The following MYLK variants were observed in gnomAD, a reference collection of about 807,000 sequenced individuals.
MYLK encodes myosin light chain kinase.
In MYLK, 106 loss-of-function variants were observed where a neutral mutation model predicts 203.4. The observed-to-expected ratio is 0.52, with a 90% confidence interval of 0.45 to 0.61. MYLK has a LOEUF of 0.61. MYLK is among the 20% of genes least tolerant of loss of function. The probability of loss-of-function intolerance (pLI) is 0.00; values close to 1 mark genes in which losing one functional copy is unlikely to be tolerated. For synonymous variants in MYLK, 867 were observed against 959.5 expected (o/e 0.90, Z 1.78); for missense variants, 2,072 against 2,442.3 (o/e 0.85, Z 3.20).
chr3:123,844,186 G>T (rs1452442860), intron 2 of MYLK, among the ~76,000 whole-genome samples: 2 of 152,134 alleles, frequency 1.3e-5, no homozygotes, highest in African/African-American at 4.8e-5. Context: ...TTGGTTTGGG[G>T]GAGGCCTCCC....
At chr3:123,806,326 G>A (rs1351271499) in intron 3 of MYLK, among the ~76,000 whole-genome samples, 1 of 152,154 alleles carries the variant, frequency 6.6e-6, no homozygotes, top group Non-Finnish European at 1.5e-5. Context: ...AGACTGAGTT[G>A]AGATCTCTGA....
chr3:123,640,154 G>T lies in MYLK; in HGVS notation c.4837+133C>A. ...CACGTCTAGTATGTGGTAGGGGCAG[G>T]ATTCAAACCTGGGAAGTCTTCATGG... On this transcript the variant is annotated intron_variant, in intron 28 of 33. Coordinates refer to ENST00000360304, the MANE Select transcript of MYLK (RefSeq NM_053025.4). This position sits in a 1 kb window ranked among gnomAD's most constrained non-coding sequence, Gnocchi z 4.3. 3.7e-6 allele frequency: 3 copies of T among 816,924 alleles called. No individual in the cohort carries two copies. The highest frequency in any genetic ancestry group is 6.5e-4 in the Middle Eastern group (2 of 3,076). The allele number at this position is 816,924 out of a possible 1,614,324, so 50.6% of individuals were successfully genotyped here. A position where few individuals can be genotyped will look rare whatever the true frequency, so the allele number is the denominator to read the frequency against.
intron 2 of MYLK, among the ~76,000 whole-genome samples, chr3:123,847,513 G>A (rs1205992647): frequency 6.6e-6 from 1 of 152,084 alleles, no homozygotes; most frequent in Non-Finnish European, 1.5e-5. Flanking sequence ...TGATGTTACT[G>A]TGTATTGTTA....
chr3:123,677,699 A>C (rs2060114395), intron 20 of MYLK, among the ~76,000 whole-genome samples: 1 of 151,884 alleles, frequency 6.6e-6, no homozygotes, highest in African/African-American at 2.4e-5. Flanking sequence ...CAATAAATGT[A>C]GACTATGAAT....
chr3:123,739,182 A>G lies in MYLK; in HGVS notation c.423-120T>C, dbSNP rs1347157178. The G allele has an allele frequency of 6.1e-6, 7 of 1,146,096 alleles. No individual in the cohort carries two copies. In the East Asian group the frequency reaches 1.8e-4, roughly 29 times the overall value. 71.0% of individuals were successfully genotyped at this position (1,146,096 alleles called of 1,614,324 possible). A position where few individuals can be genotyped will look rare whatever the true frequency, so the allele number is the denominator to read the frequency against. ...AAGCCATCAAAGTGTAGCCTTCCCA[A>G]TTTTATGCCTCAGAAACTTTCTCAT... is the stretch of plus-strand genomic sequence containing the variant. On this transcript the variant is annotated intron_variant, in intron 6 of 33. Transcript: ENST00000360304.
chr3:123,806,303 A>G (rs2065364083), intron 3 of MYLK, among the ~76,000 whole-genome samples: 1 of 152,216 alleles, frequency 6.6e-6, no homozygotes, highest in African/African-American at 2.4e-5. Context: ...AGAGTGGACC[A>G]CTGTATCTTC....
intron 29 of MYLK, among the ~76,000 whole-genome samples, chr3:123,631,873 C>CT (rs11391919): frequency 0.19 from 26,326 of 140,336 alleles, 5,566 homozygotes; most frequent in African/African-American, 0.5. Flanking sequence ...TCTCCTTTTT[C>CT]TTTTTTTTTT....
chr3:123,806,431 GA>G (rs1221462242), intron 3 of MYLK, among the ~76,000 whole-genome samples: 1 of 152,168 alleles, frequency 6.6e-6, no homozygotes, highest in Non-Finnish European at 1.5e-5. Flanking sequence ...CTGTATATAA[GA>G]GCAAGGAAAC....
At position 123,793,712 on chromosome 3, in the gene MYLK, T is replaced by A. The variant is rs1382060732; in HGVS notation, c.130A>T (p.Ile44Phe). ...AACTTGGCGGTGGCTCCTTCTTTGA[T>A]GCAGAGGTTCCGAGGGGGCAAAATG... Reference protein sequence around the residue: ...AFILPPRNLCIKEGATAKFEG... With the variant: ...AFILPPRNLCFKEGATAKFEG... Residue 44 changes from isoleucine (I) to phenylalanine (F), a missense_variant, in exon 4 of 34, where the codon ATC becomes TTC. Ile to Phe is a conservative substitution (Grantham distance 21). Around this residue, in one of 3 missense-constraint regions of MYLK, gnomAD observed 683 missense variants for 643.8 expected, o/e 1.06. Transcript: ENST00000360304. 6.2e-7 allele frequency: 1 copy of A among 1,614,052 alleles called. No homozygotes were observed. The highest frequency in any genetic ancestry group is 2.2e-5 in the East Asian group (1 of 44,892).
chr3:123,644,519 T>C (rs1402493269), intron 27 of MYLK: 2 of 152,302 alleles, frequency 1.3e-5, no homozygotes, highest in African/African-American at 4.8e-5. Flanking sequence ...CAACTCCCAA[T>C]TCCAAGCTAA....
At chr3:123,807,117 A>C (rs1473131121) in intron 3 of MYLK, among the ~76,000 whole-genome samples, 1 of 152,142 alleles carries the variant, frequency 6.6e-6, no homozygotes, top group Non-Finnish European at 1.5e-5. Flanking sequence ...CATGCTTAGA[A>C]AGGGTTTATC....
intron 4 of MYLK, among the ~76,000 whole-genome samples, chr3:123,780,096 T>C (rs1397412978): frequency 6.6e-6 from 1 of 152,208 alleles, no homozygotes; most frequent in Non-Finnish European, 1.5e-5. Context: ...CTGGTAAGCA[T>C]GCTCATAAAA....
At chr3:123,657,024 G>C in intron 24 of MYLK, 102 bp downstream of exon 24, 1 of 1,340,098 alleles carries the variant, frequency 7.5e-7, no homozygotes, top group Non-Finnish European at 1.1e-6. Context: ...CATCATTAAT[G>C]TTTCCTCAGT....
chr3:123,841,306 A>T (rs1351942493), intron 2 of MYLK, among the ~76,000 whole-genome samples: 5 of 152,134 alleles, frequency 3.3e-5, no homozygotes, highest in African/African-American at 1.2e-4. Context: ...CAGAAAATCC[A>T]GTTGGCCTAA....
At position 123,752,481 on chromosome 3, in the gene MYLK, T is replaced by C. The variant is rs757326668; in HGVS notation, c.223A>G (p.Ser75Gly). ...CAATCCAGCAGGAAGCGGCCCCCGCTGGTGATGGGTTGCCCGTTTCTGTGC... is the reference window on the plus strand; with the variant it reads ...CAATCCAGCAGGAAGCGGCCCCCGCCGGTGATGGGTTGCCCGTTTCTGTGC... ...TWHRNGQPIT[S>G]GGRFLLDCGI... is the part of the protein sequence containing the mutation. Residue 75 changes from serine to glycine, a missense_variant, in exon 5 of 34, where the codon AGC (serine) becomes GGC (glycine). Around this residue, in one of 3 missense-constraint regions of MYLK, gnomAD observed 683 missense variants for 643.8 expected, o/e 1.06. Coordinates refer to ENST00000360304, the MANE Select transcript of MYLK (RefSeq NM_053025.4). The C allele has an allele frequency of 6.2e-7, 1 of 1,614,132 alleles. No homozygotes were observed. The highest frequency in any genetic ancestry group is 2.2e-5 in the East Asian group (1 of 44,864).
At chr3:123,664,046 T>C in intron 23 of MYLK, 59 bp downstream of exon 23, 1 of 1,611,252 alleles carries the variant, frequency 6.2e-7, no homozygotes, top group Middle Eastern at 1.9e-4. Flanking sequence ...GTATCTTGCC[T>C]GGGGGCTCCC....
At position 123,669,893 on chromosome 3, in the gene MYLK, G is replaced by A. The variant is rs546504028; in HGVS notation, c.3653-2706C>T. ...CTACGAAAAATAGAAAAATTAGCCA[G>A]GTGTGGTGGTGTGCGCCTGTAATCC... On this transcript the variant is annotated intron_variant, in intron 20 of 33. Transcript: ENST00000360304. Among the ~76,000 whole-genome samples, 11 of 152,022 alleles carry A rather than the reference G, an allele frequency of 7.2e-5. No homozygotes were observed. In the East Asian group the frequency reaches 1.9e-3, roughly 27 times the overall value.
chr3:123,626,920 C>T lies in MYLK; in HGVS notation c.5136G>A (p.Gln1712=), dbSNP rs554445809. 1.2e-6 allele frequency: 2 copies of T among 1,614,236 alleles called. No individual in the cohort carries two copies. The highest frequency in any genetic ancestry group is 2.7e-5 in the African/African-American group (2 of 75,064). The change falls in exon 31 of 34, where the codon CAG becomes CAA. Residue 1712 remains glutamine (Q), a synonymous_variant. Transcript: ENST00000360304. ...KDMKNRLDCT[Q]CLQHPWLMKD... ...TCATTAGCCATGGATGCTGAAGGCA[C>T]TGCGTGCAGTCCAGGCGGTTTCTGA...
chr3:123,821,622 A>G (rs72972356), intron 3 of MYLK, among the ~76,000 whole-genome samples: 1 of 152,160 alleles, frequency 6.6e-6, no homozygotes, highest in Non-Finnish European at 1.5e-5. Flanking sequence ...TAGGGGCTCA[A>G]CTGCTGGTCC....
Sources: allele counts gnomAD v4.1 joint callset (sites outside exome capture counted in the v4.1 genomes callset), GRCh38; gene constraint gnomAD v4.1.1; regional missense constraint gnomAD v4.1.1; non-coding constraint Gnocchi (gnomAD v3.1); transcripts MANE v1.5; gene names NCBI Gene and HGNC (gene_info 2026-07-23, HGNC 2026-07-21).